Variants in SLC9A9 observed in about 807,000 individuals in gnomAD.
The protein encoded by SLC9A9 is sodium/hydrogen exchanger 9.
A neutral mutation model predicts 77.8 loss-of-function variants in SLC9A9; 62 were observed. The observed-to-expected ratio is 0.80, with a 90% CI of 0.65 to 0.98. SLC9A9 has a LOEUF of 0.98. Ranked by LOEUF, SLC9A9 falls within the 50% of genes least tolerant of loss-of-function variation. The pLI, the probability that SLC9A9 is intolerant of heterozygous loss-of-function variation, is 0.00. For missense variants in SLC9A9, 775 were observed against 774.9 expected, an observed-to-expected ratio of 1.00 and a Z score of 0.00; for synonymous variants, 320 against 283.5, an observed-to-expected ratio of 1.13 and a Z score of -1.29.
intron 14 of SLC9A9, among the ~76,000 whole-genome samples, chr3:143,277,543 C>T (rs1002310786): frequency 6.6e-5 from 10 of 152,300 alleles, no homozygotes; most frequent in Middle Eastern, 3.4e-3. Context: ...TATAACTTTT[C>T]CCTTTGGACA....
intron 12 of SLC9A9, among the ~76,000 whole-genome samples, chr3:143,392,837 TCAAAA>T (rs2033605596): frequency 6.6e-6 from 1 of 151,810 alleles, no homozygotes; most frequent in Non-Finnish European, 1.5e-5. Context: ...CCAACAAAGA[TCAAAA>T]GAGACAAAGA....
chr3:143,733,529 T>C (rs950778470), intron 4 of SLC9A9, among the ~76,000 whole-genome samples: 1 of 152,056 alleles, frequency 6.6e-6, no homozygotes, highest in Admixed American at 6.6e-5. Context: ...GCCCACCTCA[T>C]TGAGGTCATA....
chr3:143,345,704 C>A (rs2032248570), intron 14 of SLC9A9, among the ~76,000 whole-genome samples: 2 of 152,156 alleles, frequency 1.3e-5, no homozygotes, highest in South Asian at 4.1e-4. Context: ...GTGTGTAAAT[C>A]TCTCCAACAG....
intron 14 of SLC9A9, among the ~76,000 whole-genome samples, chr3:143,273,249 T>C (rs1466716425): frequency 6.6e-6 from 1 of 152,222 alleles, no homozygotes; most frequent in Admixed American, 6.5e-5. Flanking sequence ...TAAACTCCAT[T>C]GCACCTATGT....
chr3:143,663,121 T>C (rs1480749557), intron 5 of SLC9A9, among the ~76,000 whole-genome samples: 1 of 152,124 alleles, frequency 6.6e-6, no homozygotes, highest in Admixed American at 6.5e-5. Flanking sequence ...CTTTGGCTGT[T>C]CGGCAATATT....
chr3:143,353,803 A>G (rs2032523488), intron 14 of SLC9A9, among the ~76,000 whole-genome samples: 1 of 152,132 alleles, frequency 6.6e-6, no homozygotes, highest in Non-Finnish European at 1.5e-5. Flanking sequence ...CAATTTAGTT[A>G]AAATAATTGA....
intron 12 of SLC9A9, among the ~76,000 whole-genome samples, chr3:143,404,539 C>T (rs557145049): frequency 3.9e-5 from 6 of 152,054 alleles, no homozygotes; most frequent in South Asian, 2.1e-4. Flanking sequence ...TTCTAAGTTC[C>T]GCATCTGTGC....
At chr3:143,805,019 C>A (rs1158705071) in intron 2 of SLC9A9, among the ~76,000 whole-genome samples, 3 of 152,074 alleles carry the variant, frequency 2.0e-5, no homozygotes, top group Non-Finnish European at 1.5e-5. Context: ...ATCAATCTGG[C>A]CTGGTGTATG....
chr3:143,486,492 T>C (rs2035654951), intron 11 of SLC9A9, among the ~76,000 whole-genome samples: 1 of 152,136 alleles, frequency 6.6e-6, no homozygotes, highest in South Asian at 2.1e-4. Context: ...ATTATCAGTA[T>C]AAGCACTAAT....
intron 4 of SLC9A9, among the ~76,000 whole-genome samples, chr3:143,794,119 C>T (rs2008301625): frequency 6.6e-6 from 1 of 152,198 alleles, no homozygotes; most frequent in Non-Finnish European, 1.5e-5. Context: ...CAAGTAAAGA[C>T]ACCGCCTGAC....
chr3:143,567,424 T>C (rs1414202876), intron 8 of SLC9A9, among the ~76,000 whole-genome samples: 1 of 152,156 alleles, frequency 6.6e-6, no homozygotes, highest in Non-Finnish European at 1.5e-5. Flanking sequence ...TCTCTGTACA[T>C]ACTCTCATCC....
chr3:143,844,483 A>G (rs545239145), intron 1 of SLC9A9, among the ~76,000 whole-genome samples: 4 of 152,232 alleles, frequency 2.6e-5, no homozygotes, highest in Non-Finnish European at 5.9e-5. Context: ...CATTCTTGAT[A>G]CAGGACAAGT....
rs1373002039 is a variant in SLC9A9 at position 143,848,309 on chromosome 3, G to T, written c.14C>A (p.Ser5Ter). The change falls in exon 1 of 16, where the codon TCA becomes TAA. Residue 5 changes from serine (S) to a stop codon, truncating the protein, a stop_gained. Transcript: ENST00000316549. LOFTEE classifies it high-confidence loss of function. MERQ[S>*]RVMSEKDEYQ... ...CTCATCCTTTTCTGACATAACCCTT[G>T]ACTGTCTCTCCATTCCCCAGTCTTC... 6.2e-7 allele frequency: 1 copy of T among 1,613,910 alleles called. No homozygotes were observed. The highest frequency in any genetic ancestry group is 8.5e-7 in the Non-Finnish European group (1 of 1,179,868).
intron 14 of SLC9A9, among the ~76,000 whole-genome samples, chr3:143,302,860 T>C (rs1202723158): frequency 6.6e-6 from 1 of 152,218 alleles, no homozygotes; most frequent in East Asian, 1.9e-4. Context: ...TTCGATGTTT[T>C]CAAATTGCAT....
At chr3:143,300,696 C>G (rs183976808) in intron 14 of SLC9A9, among the ~76,000 whole-genome samples, 1 of 152,160 alleles carries the variant, frequency 6.6e-6, no homozygotes, top group Non-Finnish European at 1.5e-5. Flanking sequence ...TTGGAGGGAA[C>G]TTTTAAAAGC....
intron 5 of SLC9A9, among the ~76,000 whole-genome samples, chr3:143,686,012 G>A (rs552792423): frequency 3.3e-5 from 5 of 152,196 alleles, no homozygotes; most frequent in Admixed American, 1.3e-4. Flanking sequence ...TAGAAGTCCA[G>A]CTATGTGCTA....
intron 8 of SLC9A9, among the ~76,000 whole-genome samples, chr3:143,572,296 GGTGT>G (rs71629562): frequency 0.13 from 19,286 of 148,686 alleles, 1,277 homozygotes; most frequent in East Asian, 0.16. Context: ...CTTAGGCAAT[GGTGT>G]GTGTGTGTGT....
chr3:143,823,838 A>C (rs1288629126), intron 2 of SLC9A9, among the ~76,000 whole-genome samples: 2 of 152,040 alleles, frequency 1.3e-5, no homozygotes, highest in Admixed American at 6.5e-5. Context: ...AGAGAATGGA[A>C]AGGATGATTT....
intron 1 of SLC9A9, among the ~76,000 whole-genome samples, chr3:143,843,208 G>A (rs776766838): frequency 6.6e-5 from 10 of 152,206 alleles, no homozygotes; most frequent in Non-Finnish European, 1.3e-4. Flanking sequence ...CATAGGCCTG[G>A]CAGTCAGGGA....
Sources: gnomAD v4.1 joint callset for allele counts (sites outside exome capture counted in the v4.1 genomes callset) on GRCh38, gnomAD v4.1.1 for gene constraint, MANE v1.5 for transcripts, NCBI Gene and HGNC (gene_info 2026-07-23, HGNC 2026-07-21) for gene names.